Variants in WDR25 observed in about 807,000 individuals in gnomAD.
The protein encoded by WDR25 is WD repeat-containing protein 25.
Under a neutral mutation model 47.7 loss-of-function variants are expected in WDR25, and 35 were observed. That is an observed-to-expected ratio of 0.73 (90% CI 0.56 to 0.97). The LOEUF (loss-of-function observed/expected upper bound fraction) is 0.97. Ranked by LOEUF, WDR25 falls within the 50% of genes least tolerant of loss-of-function variation. The probability of loss-of-function intolerance (pLI) is 0.00; values close to 1 mark genes in which losing one functional copy is unlikely to be tolerated. For synonymous variants in WDR25, 248 were observed against 278.9 expected, an observed-to-expected ratio of 0.89 and a Z score of 1.10; for missense variants, 634 against 704.7, an observed-to-expected ratio of 0.90 and a Z score of 1.14.
chr14:100,453,690 T>C (rs1827261191), intron 2 of WDR25, among the ~76,000 whole-genome samples: 1 of 152,198 alleles, frequency 6.6e-6, no homozygotes, highest in Non-Finnish European at 1.5e-5. Flanking sequence ...GCTGGGGGAC[T>C]GGGCAGGCTG....
chr14:100,512,680 A>T (rs1901347672), intron 4 of WDR25, among the ~76,000 whole-genome samples: 1 of 152,192 alleles, frequency 6.6e-6, no homozygotes, highest in Non-Finnish European at 1.5e-5. Context: ...AGCTGAGGTC[A>T]TAGTTTTGAG....
intron 2 of WDR25, among the ~76,000 whole-genome samples, chr14:100,421,753 A>T (rs1898033163): frequency 6.6e-6 from 1 of 152,250 alleles, no homozygotes; most frequent in Non-Finnish European, 1.5e-5. Context: ...TATGAATGAC[A>T]TAAATAATAT....
At chr14:100,485,511 G>T (rs1326352287) in intron 4 of WDR25, among the ~76,000 whole-genome samples, 2 of 152,224 alleles carry the variant, frequency 1.3e-5, no homozygotes, top group Non-Finnish European at 2.9e-5. Context: ...GATACAGGAG[G>T]TGGGAACACA....
At chr14:100,417,609 C>A (rs1234531903) in intron 2 of WDR25, among the ~76,000 whole-genome samples, 1 of 152,194 alleles carries the variant, frequency 6.6e-6, no homozygotes, top group Non-Finnish European at 1.5e-5. Context: ...CTGAGCATTA[C>A]CTCTGCTTGC....
rs1018019124 is a variant in WDR25, at chr14:100,500,422, G to A, written c.1101+16298G>A. ...CTGTGGAGGGTGGAGAAGGAGGGGT[G>A]GGGATGGTCAGATGGAGGCATGCCG... On this transcript the variant is annotated intron_variant, in intron 4 of 6. Coordinates refer to ENST00000402312, the MANE Select transcript of WDR25 (RefSeq NM_001161476.3). This position sits in a 1 kb window ranked among gnomAD's most constrained non-coding sequence, Gnocchi z 4.7. Among the ~76,000 whole-genome samples the A allele has an allele frequency of 1.3e-5, 2 of 152,188 alleles. No individual in the cohort carries two copies. The highest frequency in any genetic ancestry group is 6.5e-5 in the Admixed American group (1 of 15,280).
At chr14:100,458,547 G>A (rs978853637) in intron 2 of WDR25, among the ~76,000 whole-genome samples, 3 of 152,068 alleles carry the variant, frequency 2.0e-5, no homozygotes, top group African/African-American at 7.2e-5. Context: ...GAACAACACT[G>A]TCACCCAATT....
chr14:100,387,195 G>T (rs117415094), intron 2 of WDR25, among the ~76,000 whole-genome samples: 2,040 of 152,108 alleles, frequency 0.013, 68 homozygotes, highest in East Asian at 0.097. Context: ...GGGAGAGGCT[G>T]AGGAAGCATG....
At position 100,525,773 on chromosome 14, in the gene WDR25, A is replaced by T; in HGVS notation, c.1102-97A>T. 3 of 1,459,740 alleles carry T rather than the reference A, an allele frequency of 2.1e-6. No homozygotes were observed. The highest frequency in any genetic ancestry group is 2.8e-6 in the Non-Finnish European group (3 of 1,086,136). The allele number at this position is 1,459,740 out of a possible 1,614,324, so 90.4% of individuals were successfully genotyped here. A position where few individuals can be genotyped will look rare whatever the true frequency, so the allele number is the denominator to read the frequency against. ...GTGTGTGTGGCCCAGCATAAACTTCACTAAACCTGCCTGCCCCCTGGGTCC... is the reference window on the plus strand; with the variant it reads ...GTGTGTGTGGCCCAGCATAAACTTCTCTAAACCTGCCTGCCCCCTGGGTCC... On this transcript the variant is annotated intron_variant, in intron 4 of 6. Coordinates refer to ENST00000402312, the MANE Select transcript of WDR25 (RefSeq NM_001161476.3). This position sits in a 1 kb window ranked among gnomAD's most constrained non-coding sequence, Gnocchi z 4.6.
intron 2 of WDR25, among the ~76,000 whole-genome samples, chr14:100,437,917 T>G (rs1379216893): frequency 6.6e-6 from 1 of 152,156 alleles, no homozygotes; most frequent in African/African-American, 2.4e-5. Flanking sequence ...CCTTGCCTTC[T>G]CATCCTTTTT....
Position 100,463,838 on chromosome 14 carries a change from C to G in WDR25, c.823-4183C>G, listed in dbSNP as rs143788528. 1.6e-3 allele frequency among the ~76,000 whole-genome samples: 251 copies of G among 152,296 alleles called. 1 individual carries two copies. Among genetic ancestry groups the G allele is most frequent in the African/African-American group, 5.6e-3 (232 of 41,542 alleles). On this transcript the variant is annotated intron_variant, in intron 2 of 6. Coordinates refer to ENST00000402312, the MANE Select transcript of WDR25 (RefSeq NM_001161476.3). ...GTGTCCTGGGCTTTTCCCTTGCCCT[C>G]ATATCCTACCTCCAGTCCAGGGAAG... is the stretch of plus-strand genomic sequence containing the variant.
intron 2 of WDR25, chr14:100,454,340 G>A: frequency 6.3e-6 from 8 of 1,279,014 alleles, no homozygotes; most frequent in Non-Finnish European, 8.1e-6. Flanking sequence ...TGAGGTAATG[G>A]GGTAATGGAG....
chr14:100,387,136 G>T (rs983364458), intron 2 of WDR25, among the ~76,000 whole-genome samples: 1 of 151,904 alleles, frequency 6.6e-6, no homozygotes, highest in Non-Finnish European at 1.5e-5. Flanking sequence ...ACCAATTAAG[G>T]TTGTTGCTGT....
chr14:100,524,907 A>T (rs771973598), intron 4 of WDR25, among the ~76,000 whole-genome samples: 10 of 152,218 alleles, frequency 6.6e-5, no homozygotes, highest in Non-Finnish European at 1.2e-4. Flanking sequence ...TTTAAGGAGG[A>T]TGACAGAAAA....
chr14:100,463,452 G>A (rs1245510961), intron 2 of WDR25, among the ~76,000 whole-genome samples: 6 of 151,900 alleles, frequency 3.9e-5, no homozygotes, highest in African/African-American at 1.5e-4. Context: ...CACTTCACTG[G>A]CCTCTTCTTA....
intron 2 of WDR25, among the ~76,000 whole-genome samples, chr14:100,385,581 G>A (rs1261113175): frequency 2.6e-5 from 4 of 152,198 alleles, no homozygotes; most frequent in African/African-American, 9.7e-5. Flanking sequence ...TAAATGTTCT[G>A]TGAGCTGTAA....
At chr14:100,495,962 G>C (rs1466545580) in intron 4 of WDR25, among the ~76,000 whole-genome samples, 1 of 152,182 alleles carries the variant, frequency 6.6e-6, no homozygotes, top group Non-Finnish European at 1.5e-5. Flanking sequence ...GTTCTTCCTA[G>C]AAGTAGAATT....
At chr14:100,380,780 C>A in intron 1 of WDR25, 130 bp from the exon 2 acceptor site, 1 of 866,420 alleles carries the variant, frequency 1.2e-6, no homozygotes, top group Non-Finnish European at 1.8e-6. Context: ...AGGCGTGAGC[C>A]ACCACGCCTG....
At chr14:100,413,374 A>G (rs1396949393) in intron 2 of WDR25, among the ~76,000 whole-genome samples, 1 of 149,888 alleles carries the variant, frequency 6.7e-6, no homozygotes, top group African/African-American at 2.5e-5. Flanking sequence ...TGCTTCTCTC[A>G]TTGTAGGTTG....
At chr14:100,528,513 C>T (rs570145433) in intron 5 of WDR25, among the ~76,000 whole-genome samples, 5 of 151,042 alleles carry the variant, frequency 3.3e-5, no homozygotes, top group African/African-American at 4.9e-5. Flanking sequence ...TCAAGAGATC[C>T]GCCCGCCTCA....
Sources: gnomAD v4.1 joint callset for allele counts (sites outside exome capture counted in the v4.1 genomes callset) on GRCh38, gnomAD v4.1.1 for gene constraint, Gnocchi (gnomAD v3.1) non-coding constraint, MANE v1.5 for transcripts, NCBI Gene and HGNC (gene_info 2026-07-23, HGNC 2026-07-21) for gene names.